ZNF385D: variants seen among roughly 807,000 people sequenced by gnomAD.
The protein encoded by ZNF385D is zinc finger protein 385D, also known as zinc finger protein 659.
In ZNF385D, 15 loss-of-function variants were observed where a neutral mutation model predicts 35.8. The ratio of observed to expected loss-of-function variants is 0.42; its 90% CI spans 0.28 to 0.64. The LOEUF is 0.64. ZNF385D is among the 30% of genes least tolerant of loss of function. The pLI is 0.23. For missense variants in ZNF385D, 474 were observed against 494.6 expected (o/e 0.96, Z 0.39); for synonymous variants, 212 against 186.8 (o/e 1.13, Z -1.10).
chr3:22,029,050 T>C (rs1697745592), intron 3 of ZNF385D, among the ~76,000 whole-genome samples: 1 of 152,190 alleles, frequency 6.6e-6, no homozygotes. Flanking sequence ...TTTTGCTTCC[T>C]GTTCCCGTGA....
intron 3 of ZNF385D, among the ~76,000 whole-genome samples, chr3:22,048,164 A>G (rs1259547560): frequency 1.3e-5 from 2 of 152,186 alleles, no homozygotes; most frequent in East Asian, 3.9e-4. Context: ...GGTGGTTTGC[A>G]AACATTTTTT....
intron 3 of ZNF385D, among the ~76,000 whole-genome samples, chr3:21,904,043 G>T (rs527342478): frequency 9.2e-5 from 14 of 151,968 alleles, no homozygotes; most frequent in Non-Finnish European, 2.1e-4. Flanking sequence ...GGTGGCTCAC[G>T]CCTGTAATCC....
rs187980283 is a variant in ZNF385D, at chr3:21,626,580, G to A, written c.165+38306C>T. On this transcript the variant is annotated intron_variant, in intron 2 of 7. Coordinates refer to ENST00000281523, the MANE Select transcript of ZNF385D (RefSeq NM_024697.3). ...GGATAAAGCGTTGAGGAGCTTTATGGCTTTGTTGCCATTACTATATGGGTG... is the reference window on the plus strand; with the variant it reads ...GGATAAAGCGTTGAGGAGCTTTATGACTTTGTTGCCATTACTATATGGGTG... 1.7e-3 allele frequency among the ~76,000 whole-genome samples: 265 copies of A among 152,156 alleles called. 2 individuals are homozygous for A. The highest frequency in any genetic ancestry group is 0.015 in the Admixed American group (223 of 15,240).
intron 1 of ZNF385D, among the ~76,000 whole-genome samples, chr3:21,745,409 GGCTGTGTAA>G (rs1333244938): frequency 6.6e-6 from 1 of 152,108 alleles, no homozygotes; most frequent in Admixed American, 6.6e-5. Context: ...CCGTTTCAAG[GGCTGTGTAA>G]GCCTGGAGTT....
intron 3 of ZNF385D, among the ~76,000 whole-genome samples, chr3:21,952,211 T>G (rs141590406): frequency 1.0e-3 from 159 of 152,154 alleles, no homozygotes; most frequent in Middle Eastern, 3.4e-3. Flanking sequence ...GACCCCTCAG[T>G]AGGATACTCT....
chr3:21,990,732 T>G (rs1373551076), intron 3 of ZNF385D, among the ~76,000 whole-genome samples: 2 of 152,246 alleles, frequency 1.3e-5, no homozygotes, highest in African/African-American at 4.8e-5. Flanking sequence ...GAGCTCAGCC[T>G]GTTTCTACAA....
intron 2 of ZNF385D, among the ~76,000 whole-genome samples, chr3:22,245,478 CAAAAA>C (rs10576851): frequency 8.0e-6 from 1 of 124,364 alleles, no homozygotes; most frequent in Admixed American, 8.1e-5. Flanking sequence ...CAGGATAAGC[CAAAAA>C]AAAAAAAAAA....
At chr3:22,189,852 T>C (rs1480634037) in intron 2 of ZNF385D, among the ~76,000 whole-genome samples, 1 of 152,174 alleles carries the variant, frequency 6.6e-6, no homozygotes, top group Non-Finnish European at 1.5e-5. Context: ...TGTGTCCTGT[T>C]GAAAGTGTCC....
chr3:22,166,240 C>T (rs371017940), intron 3 of ZNF385D, among the ~76,000 whole-genome samples: 1 of 130,178 alleles, frequency 7.7e-6, no homozygotes, highest in African/African-American at 2.5e-5. Context: ...ACTAACATGA[C>T]GATACTTAAA....
At chr3:22,153,019 G>A (rs1254223643) in intron 3 of ZNF385D, among the ~76,000 whole-genome samples, 4 of 152,138 alleles carry the variant, frequency 2.6e-5, no homozygotes, top group Admixed American at 1.3e-4. Context: ...GTGAAAAATA[G>A]GGAGATGTTA....
At chr3:21,801,808 C>A (rs954778452) in intron 3 of ZNF385D, among the ~76,000 whole-genome samples, 1 of 152,112 alleles carries the variant, frequency 6.6e-6, no homozygotes, top group Non-Finnish European at 1.5e-5. Context: ...AGTGCCCGTC[C>A]TGACCAATTT....
At chr3:22,152,701 T>C (rs1365038794) in intron 3 of ZNF385D, among the ~76,000 whole-genome samples, 1 of 152,166 alleles carries the variant, frequency 6.6e-6, no homozygotes, top group African/African-American at 2.4e-5. Context: ...ACCCAGATAA[T>C]GCAGGATAAC....
At chr3:22,133,672 A>G (rs1379572184) in intron 3 of ZNF385D, 2 of 152,022 alleles carry the variant, frequency 1.3e-5, no homozygotes, top group Non-Finnish European at 2.9e-5. Flanking sequence ...AACCATAGAC[A>G]AAATATATCA....
intron 4 of ZNF385D, among the ~76,000 whole-genome samples, chr3:21,491,720 A>G (rs548352663): frequency 2.6e-5 from 4 of 152,294 alleles, no homozygotes; most frequent in Non-Finnish European, 4.4e-5. Flanking sequence ...CTTTCATGCA[A>G]GTGTCAGAAT....
intron 3 of ZNF385D, among the ~76,000 whole-genome samples, chr3:21,908,794 AAAC>A (rs930561316): frequency 6.6e-6 from 1 of 152,244 alleles, no homozygotes; most frequent in East Asian, 1.9e-4. Context: ...TCTTTAAAAA[AAAC>A]AACAACCTTT....
intron 2 of ZNF385D, among the ~76,000 whole-genome samples, chr3:22,229,792 G>T (rs532926285): frequency 6.6e-6 from 1 of 152,124 alleles, no homozygotes; most frequent in Admixed American, 6.6e-5. Flanking sequence ...TCAAGGCAGG[G>T]TCTCTGAGGT....
At chr3:22,269,070 T>C (rs189904767) in intron 2 of ZNF385D, among the ~76,000 whole-genome samples, 1 of 152,034 alleles carries the variant, frequency 6.6e-6, no homozygotes, top group African/African-American at 2.4e-5. Flanking sequence ...AGCTTCTTCT[T>C]GTCATCAGTA....
At chr3:22,270,149 T>C (rs1008868092) in intron 2 of ZNF385D, among the ~76,000 whole-genome samples, 7 of 151,922 alleles carry the variant, frequency 4.6e-5, no homozygotes, top group Non-Finnish European at 8.8e-5. Context: ...CTGCCTAATA[T>C]TATTCTGATT....
chr3:21,722,402 T>C (rs915768317), intron 1 of ZNF385D, among the ~76,000 whole-genome samples: 2 of 152,218 alleles, frequency 1.3e-5, no homozygotes, highest in African/African-American at 4.8e-5. Flanking sequence ...CCAAAGCTTG[T>C]AACTATCTAG....
Sources: gnomAD v4.1 joint callset for allele counts (sites outside exome capture counted in the v4.1 genomes callset) on GRCh38, gnomAD v4.1.1 for gene constraint, MANE v1.5 for transcripts, NCBI Gene and HGNC (gene_info 2026-07-23, HGNC 2026-07-21) for gene names.